AGTPBP1: variants seen among roughly 807,000 people sequenced by gnomAD.
AGTPBP1 encodes the protein ATP/GTP binding carboxypeptidase 1.
In AGTPBP1, 70 loss-of-function variants were observed where a neutral mutation model predicts 143.9. The ratio of observed to expected loss-of-function variants is 0.49; its 90% CI spans 0.40 to 0.59. AGTPBP1 has a LOEUF of 0.59. AGTPBP1 is among the 20% of genes least tolerant of loss of function. The pLI, the probability that AGTPBP1 is intolerant of heterozygous loss-of-function variation, is 0.00. For missense variants in AGTPBP1, 1,229 were observed against 1,464.5 expected, an observed-to-expected ratio of 0.84 and a Z score of 2.62; for synonymous variants, 463 against 500.2, an observed-to-expected ratio of 0.93 and a Z score of 0.99.
In AGTPBP1 at chr9:85,725,298, C is replaced by CA. The variant is rs374322010; in HGVS notation, c.-33-12733dup. On this transcript the variant is annotated intron_variant, in intron 1 of 25. Coordinates refer to ENST00000357081, the MANE Select transcript of AGTPBP1 (RefSeq NM_001330701.2). ...GTTCTTTGAGAGATCAGAAATTTAA[C>CA]AAAAAAATTAAAAAAAAAATTTTTT... Among the ~76,000 whole-genome samples, 460 of 151,580 alleles carry CA rather than the reference C, an allele frequency of 3.0e-3. 2 individuals are homozygous for CA. The highest frequency in any genetic ancestry group is 0.011 in the African/African-American group (441 of 41,336).
intron 6 of AGTPBP1, among the ~76,000 whole-genome samples, chr9:85,676,727 A>G (rs1834852735): frequency 6.6e-6 from 1 of 152,342 alleles, no homozygotes; most frequent in African/African-American, 2.4e-5. Context: ...ATTGAAGAAT[A>G]TCTGCATTCC....
intron 8 of AGTPBP1, among the ~76,000 whole-genome samples, chr9:85,668,111 A>G (rs1409161300): frequency 6.6e-6 from 1 of 152,124 alleles, no homozygotes; most frequent in Non-Finnish European, 1.5e-5. Flanking sequence ...AGAAAAACAG[A>G]AAGAAAAATA....
At chr9:85,739,488 C>A (rs1051652939) in intron 1 of AGTPBP1, among the ~76,000 whole-genome samples, 5 of 152,106 alleles carry the variant, frequency 3.3e-5, no homozygotes, top group African/African-American at 1.2e-4. Context: ...GTGGGCAGAC[C>A]ACCTGAGGTC....
At chr9:85,740,875 T>C (rs1390877488) in intron 1 of AGTPBP1, among the ~76,000 whole-genome samples, 1 of 152,190 alleles carries the variant, frequency 6.6e-6, no homozygotes, top group Non-Finnish European at 1.5e-5. Context: ...TAAGCTATGT[T>C]AAAACGGGAA....
chr9:85,779,019 T>C, the AGTPBP1 span, among the ~76,000 whole-genome samples: 1 of 151,982 alleles, frequency 6.6e-6, no homozygotes, highest in Non-Finnish European at 1.5e-5. Flanking sequence ...GTAGAGTCCT[T>C]AGCATTTTTG....
At chr9:85,660,863 CCA>C in intron 9 of AGTPBP1, 71 bp downstream of exon 9, 1 of 1,116,464 alleles carries the variant, frequency 9.0e-7, no homozygotes, top group East Asian at 2.7e-5. Flanking sequence ...ATCTACATTT[CCA>C]GTTTCTTTAA....
At chr9:85,715,993 G>A (rs547116934) in intron 1 of AGTPBP1, among the ~76,000 whole-genome samples, 84 of 151,984 alleles carry the variant, frequency 5.5e-4, no homozygotes, top group African/African-American at 1.9e-3. Context: ...AAACTTTCTC[G>A]CTCCCAATTC....
At chr9:85,629,222 T>A (rs757824014) in intron 14 of AGTPBP1, among the ~76,000 whole-genome samples, 5 of 152,202 alleles carry the variant, frequency 3.3e-5, no homozygotes, top group Non-Finnish European at 7.3e-5. Context: ...TATATTAGAC[T>A]GTACACAGGC....
intron 1 of AGTPBP1, among the ~76,000 whole-genome samples, chr9:85,729,709 T>TA (rs1838755665): frequency 6.6e-6 from 1 of 151,496 alleles, no homozygotes; most frequent in Admixed American, 6.6e-5. Flanking sequence ...ATGACCCAAT[T>TA]AAAAAATCAG....
At chr9:85,758,443 G>A in the AGTPBP1 span, among the ~76,000 whole-genome samples, 2 of 152,124 alleles carry the variant, frequency 1.3e-5, no homozygotes, top group South Asian at 2.1e-4. Flanking sequence ...TCAGGCGTTC[G>A]AAACCAGCCT....
chr9:85,579,144 T>G (rs751161764), intron 23 of AGTPBP1, 48 bp from the exon 24 acceptor site: 2 of 1,512,704 alleles, frequency 1.3e-6, no homozygotes, highest in Non-Finnish European at 8.8e-7. Context: ...AGTTTTTAAT[T>G]TTAAATGTTT....
the AGTPBP1 span, among the ~76,000 whole-genome samples, chr9:85,759,224 T>C: frequency 6.6e-6 from 1 of 151,882 alleles, no homozygotes; most frequent in African/African-American, 2.4e-5. Flanking sequence ...AGACAGAAAT[T>C]TAACAAGGAT....
the AGTPBP1 span, among the ~76,000 whole-genome samples, chr9:85,771,666 T>C: frequency 6.6e-6 from 1 of 151,320 alleles, no homozygotes; most frequent in African/African-American, 2.4e-5. Context: ...TTTTTTTTTT[T>C]TTTTGAGACA....
intron 3 of AGTPBP1, 84 bp from the exon 4 acceptor site, chr9:85,681,419 C>T (rs1179626213): frequency 1.8e-6 from 2 of 1,112,784 alleles, no homozygotes; most frequent in East Asian, 2.5e-5. Flanking sequence ...AATAAAGATT[C>T]AACAAGTCTC....
intron 3 of AGTPBP1, among the ~76,000 whole-genome samples, chr9:85,689,867 C>T (rs1161549742): frequency 7.8e-6 from 1 of 128,500 alleles, no homozygotes; most frequent in African/African-American, 3.1e-5. Context: ...TGCACTACAG[C>T]CCGGGCAACA....
the AGTPBP1 span, chr9:85,764,671 A>C: frequency 1.3e-6 from 1 of 778,008 alleles, no homozygotes; most frequent in South Asian, 1.5e-5. Context: ...ATTTCTAGTA[A>C]CTGTTTTCGG....
At chr9:85,648,105 C>A (rs534067280) in intron 11 of AGTPBP1, among the ~76,000 whole-genome samples, 1 of 152,170 alleles carries the variant, frequency 6.6e-6, no homozygotes, top group African/African-American at 2.4e-5. Context: ...TCCTAGCTCC[C>A]GAACTTACTA....
At chr9:85,623,081 G>A (rs936140286) in intron 14 of AGTPBP1, among the ~76,000 whole-genome samples, 7 of 152,100 alleles carry the variant, frequency 4.6e-5, no homozygotes. Context: ...GGCCCGACAG[G>A]GGCCAGCAGG....
At chr9:85,673,593 A>C (rs1399424204) in intron 6 of AGTPBP1, among the ~76,000 whole-genome samples, 2 of 152,172 alleles carry the variant, frequency 1.3e-5, no homozygotes, top group East Asian at 1.9e-4. Flanking sequence ...ACAGTAAAAA[A>C]AATTTTAAAT....
Sources: gnomAD v4.1 joint callset for allele counts (sites outside exome capture counted in the v4.1 genomes callset) on GRCh38, gnomAD v4.1.1 for gene constraint, MANE v1.5 for transcripts, NCBI Gene and HGNC (gene_info 2026-07-23, HGNC 2026-07-21) for gene names.